Variants in FLOT2 observed in about 807,000 individuals in gnomAD.
FLOT2 encodes flotillin-2.
In FLOT2, 35 loss-of-function variants were observed where a neutral mutation model predicts 54.9. The ratio of observed to expected loss-of-function variants is 0.64; its 90% CI spans 0.49 to 0.84. FLOT2 has a LOEUF of 0.84. Ranked by LOEUF, FLOT2 falls within the 40% of genes least tolerant of loss-of-function variation. The pLI is 0.00. For synonymous variants in FLOT2, 207 were observed against 228.9 expected (o/e 0.90, Z 0.86); for missense variants, 464 against 572.1 (o/e 0.81, Z 1.93).
At chr17:28,888,915 T>C (rs780370481) in intron 2 of FLOT2, 30 bp downstream of exon 2, 32 of 1,549,080 alleles carry the variant, frequency 2.1e-5, no homozygotes, top group Non-Finnish European at 2.8e-5. Flanking sequence ...GCCCACTCCA[T>C]GACAGGTCCT....
In FLOT2 at chr17:28,883,695, C is replaced by T. The variant is rs180858485; in HGVS notation, c.223-464G>A. ...GCCTCTCCTTCTTGAGTTACTCAGC[C>T]AACCCCTCGCCGAGGCCTACAGCAT... On this transcript the variant is annotated intron_variant, in intron 3 of 10. Transcript: ENST00000394908. This position sits in a 1 kb window ranked among gnomAD's most constrained non-coding sequence, Gnocchi z 5.0. Among the ~76,000 whole-genome samples, 147 of 152,310 alleles carry T rather than the reference C, an allele frequency of 9.7e-4. No homozygotes were observed. Among genetic ancestry groups the T allele is most frequent in the African/African-American group, 3.4e-3 (141 of 41,564 alleles).
At chr17:28,891,118 C>T (rs886773384) in intron 1 of FLOT2, among the ~76,000 whole-genome samples, 1 of 151,950 alleles carries the variant, frequency 6.6e-6, no homozygotes, top group African/African-American at 2.4e-5. Context: ...TGGGCTCAAG[C>T]GATCCACATG....
rs2039420704 is a variant in FLOT2 at position 28,880,036 on chromosome 17, C to T, written c.*525G>A. On this transcript the variant is annotated 3_prime_UTR_variant, in exon 11 of 11. Transcript: ENST00000394908. ...TCATGGCTGCCCAGACCTAGAGGGG[C>T]AGCAGCAGGTGAGGCTGTGGGCTTC... 2.0e-6 allele frequency: 2 copies of T among 991,654 alleles called. No individual in the cohort carries two copies. The highest frequency in any genetic ancestry group is 2.4e-6 in the Non-Finnish European group (2 of 834,116). 61.4% of individuals were successfully genotyped at this position (991,654 alleles called of 1,614,324 possible). A position where few individuals can be genotyped will look rare whatever the true frequency, so the allele number is the denominator to read the frequency against.
In FLOT2 at chr17:28,882,983, A is replaced by G. The variant is rs1194368515; in HGVS notation, c.346+125T>C. ...AAGTCACCTGAAGTTTTGAAATTAA[A>G]TATTTGAGGAAAAGTGTTTTAGCTT... On this transcript the variant is annotated intron_variant, in intron 4 of 10. Transcript: ENST00000394908. The surrounding 1 kb of genome is among the most constrained non-coding windows in gnomAD (Gnocchi z 5.6). 3 of 1,040,884 alleles carry G rather than the reference A, an allele frequency of 2.9e-6. No homozygotes were observed. The South Asian group carries it at 4.7e-5, about 16-fold the overall frequency. 64.5% of individuals were successfully genotyped at this position (1,040,884 alleles called of 1,614,324 possible).
chr17:28,885,593 G>T (rs529549273), intron 2 of FLOT2: 2 of 717,474 alleles, frequency 2.8e-6, no homozygotes, highest in Non-Finnish European at 5.2e-6. Flanking sequence ...ACGAAGGCCT[G>T]GCATCCAGGG....
In FLOT2 at chr17:28,897,581, G is replaced by A. The variant is rs1234494074; in HGVS notation, c.-7C>T. On this transcript the variant is annotated 5_prime_UTR_variant, in exon 1 of 11. Coordinates refer to ENST00000394908, the MANE Select transcript of FLOT2 (RefSeq NM_004475.3). The surrounding 1 kb of genome is among the most constrained non-coding windows in gnomAD (Gnocchi z 4.4). ...CCGTGTGGCAATTGCCCATGGCGCC[G>A]GCGGCACGGAGGGCCCTCGGGACCG... is the stretch of plus-strand genomic sequence containing the variant. The A allele has an allele frequency of 6.3e-7, 1 of 1,594,682 alleles. No homozygotes were observed. Among genetic ancestry groups the A allele is most frequent in the Admixed American group, 1.7e-5 (1 of 58,434 alleles).
At chr17:28,890,562 AT>A (rs1371300699) in intron 1 of FLOT2, among the ~76,000 whole-genome samples, 2 of 151,890 alleles carry the variant, frequency 1.3e-5, no homozygotes, top group African/African-American at 4.8e-5. Flanking sequence ...AATTTTTTGT[AT>A]TTTTAGTAGA....
chr17:28,896,718 G>A (rs1443051108), intron 1 of FLOT2, among the ~76,000 whole-genome samples: 6 of 152,184 alleles, frequency 3.9e-5, no homozygotes, highest in Non-Finnish European at 5.9e-5. Flanking sequence ...GGAAGATAGA[G>A]AAGAGAAATT....
At chr17:28,890,542 A>G (rs527954211) in intron 1 of FLOT2, among the ~76,000 whole-genome samples, 63 of 152,188 alleles carry the variant, frequency 4.1e-4, no homozygotes, top group African/African-American at 1.4e-3. Flanking sequence ...GCCCGCCACC[A>G]CGCCCAGCTA....
chr17:28,895,423 G>A (rs1157649344), intron 1 of FLOT2, among the ~76,000 whole-genome samples: 3 of 151,714 alleles, frequency 2.0e-5, no homozygotes, highest in African/African-American at 2.4e-5. Flanking sequence ...CACTATGCCC[G>A]GCTAATTTTT....
In FLOT2 at chr17:28,881,309, C is replaced by A. The variant is rs200681096; in HGVS notation, c.981G>T (p.Ala327=). The A allele has an allele frequency of 1.2e-6, 2 of 1,613,926 alleles. No homozygotes were observed. The highest frequency in any genetic ancestry group is 2.7e-5 in the African/African-American group (2 of 74,942). Residue 327 remains alanine, a synonymous_variant, in exon 9 of 11, where the codon GCG becomes GCT. Coordinates refer to ENST00000394908, the MANE Select transcript of FLOT2 (RefSeq NM_004475.3). Reference sequence around the variant, plus strand: ...CCTTGCCCATCGCCTCGATGACTGCCGCTTCCGCCTCCCCGATTTTGCGGA... The same window carrying A: ...CCTTGCCCATCGCCTCGATGACTGCAGCTTCCGCCTCCCCGATTTTGCGGA... The part of the protein sequence containing the change: ...EKIRKIGEAE[A]AVIEAMGKAE...
chr17:28,892,006 A>C (rs572304664), intron 1 of FLOT2, among the ~76,000 whole-genome samples: 2 of 152,268 alleles, frequency 1.3e-5, no homozygotes, highest in East Asian at 3.9e-4. Context: ...GTGGGCAGGG[A>C]ACAGTAAGAC....
rs2039524040 is a variant in FLOT2 at position 28,885,488 on chromosome 17, A to G, written c.132-1173T>C. 2.1e-5 allele frequency: 14 copies of G among 677,398 alleles called. No homozygotes were observed. The East Asian group carries it at 3.8e-4, about 18-fold the overall frequency. The allele number at this position is 677,398 out of a possible 1,614,324, so 42.0% of individuals were successfully genotyped here. Reference sequence around the variant, plus strand: ...CAGTAGAGAGCTGGTGAATGAAGCAATGAAGAGGGGAACCCACACATGACA... The same window carrying G: ...CAGTAGAGAGCTGGTGAATGAAGCAGTGAAGAGGGGAACCCACACATGACA... On this transcript the variant is annotated intron_variant, in intron 2 of 10. Coordinates refer to ENST00000394908, the MANE Select transcript of FLOT2 (RefSeq NM_004475.3).
intron 1 of FLOT2, among the ~76,000 whole-genome samples, chr17:28,896,370 T>C (rs1055091329): frequency 1.3e-5 from 2 of 152,206 alleles, no homozygotes; most frequent in Middle Eastern, 3.4e-3. Flanking sequence ...TCTCTAAGGG[T>C]GGGGACTGGG....
chr17:28,881,693 T>C (rs2039450823), intron 8 of FLOT2, 121 bp downstream of exon 8: 1 of 886,208 alleles, frequency 1.1e-6, no homozygotes. Flanking sequence ...TCACAGTGAG[T>C]AAGAAGACAC....
chr17:28,895,050 C>G (rs1007769952), intron 1 of FLOT2, among the ~76,000 whole-genome samples: 2 of 151,460 alleles, frequency 1.3e-5, no homozygotes, highest in African/African-American at 2.4e-5. Context: ...TAGCTGGGAC[C>G]ACAGGTATGT....
intron 2 of FLOT2, among the ~76,000 whole-genome samples, chr17:28,885,424 C>T (rs893398161): frequency 2.0e-5 from 3 of 152,182 alleles, no homozygotes; most frequent in Non-Finnish European, 4.4e-5. Context: ...TTTTATTGTT[C>T]GCTCCTGCAG....
chr17:28,888,803 C>CCCCCCCCCCCCCCCCCCCCCCAAA, intron 2 of FLOT2, 142 bp downstream of exon 2: 1 of 506,060 alleles, frequency 2.0e-6, no homozygotes. Flanking sequence ...AAGTCCCCCC[C>CCCCCCCCCCCCCCCCCCCCCCAAA]AACCCCACCC....
rs528877539 is a variant in FLOT2, at chr17:28,884,395, T to C, written c.132-80A>G. ...GTTGGGAAAGAGGCCAGTACCTCAC[T>C]GCTCCGGCTGGGTCCTGGTGAGGAA... On this transcript the variant is annotated intron_variant, in intron 2 of 10. Transcript: ENST00000394908. The surrounding 1 kb of genome is among the most constrained non-coding windows in gnomAD (Gnocchi z 5.1). 79 of 848,270 alleles carry C rather than the reference T, an allele frequency of 9.3e-5. No homozygotes were observed. In the African/African-American group the frequency reaches 1.3e-3, roughly 13 times the overall value. 52.5% of individuals were successfully genotyped at this position (848,270 alleles called of 1,614,324 possible).
Sources: gnomAD v4.1 joint callset for allele counts (sites outside exome capture counted in the v4.1 genomes callset) on GRCh38, gnomAD v4.1.1 for gene constraint, Gnocchi (gnomAD v3.1) non-coding constraint, MANE v1.5 for transcripts, NCBI Gene and HGNC (gene_info 2026-07-23, HGNC 2026-07-21) for gene names.